GATAD1: variants seen among roughly 807,000 people sequenced by gnomAD.
The protein encoded by GATAD1 is GATA zinc finger domain containing 1, also known as GATA zinc finger domain-containing protein 1.
In GATAD1, 12 loss-of-function variants were observed where a neutral mutation model predicts 26.5. That is an observed-to-expected ratio of 0.45 (90% CI 0.29 to 0.73). GATAD1 has a LOEUF of 0.73. Ranked by LOEUF, GATAD1 falls within the 30% of genes least tolerant of loss-of-function variation. GATAD1 has a pLI of 0.10. For missense variants in GATAD1, 266 were observed against 342.1 expected (o/e 0.78, Z 1.75); for synonymous variants, 129 against 133.1 (o/e 0.97, Z 0.21).
chr7:92,491,956 CTG>C, the GATAD1 span, among the ~76,000 whole-genome samples: 1 of 152,128 alleles, frequency 6.6e-6, no homozygotes, highest in African/African-American at 2.4e-5. Flanking sequence ...GATTTAGAAA[CTG>C]TAGGTTCTGT....
At chr7:92,486,290 G>C in the GATAD1 span, among the ~76,000 whole-genome samples, 1 of 152,090 alleles carries the variant, frequency 6.6e-6, no homozygotes, top group Non-Finnish European at 1.5e-5. Context: ...TTCCTGGAGG[G>C]GACACACCTT....
intron 4 of GATAD1, among the ~76,000 whole-genome samples, 154 bp from the exon 5 acceptor site, chr7:92,456,218 G>T (rs1789664878): frequency 1.3e-5 from 2 of 152,180 alleles, no homozygotes; most frequent in Admixed American, 1.3e-4. Context: ...AAGAAAAAAT[G>T]ATTAAGAATA....
the GATAD1 span, chr7:92,494,764 CCCTT>C: frequency 2.2e-6 from 1 of 452,092 alleles, no homozygotes; most frequent in South Asian, 5.4e-5. Flanking sequence ...TTACAACAAA[CCCTT>C]AAAGAAGGCA....
the GATAD1 span, among the ~76,000 whole-genome samples, chr7:92,488,084 A>G: frequency 6.6e-6 from 1 of 152,240 alleles, no homozygotes; most frequent in African/African-American, 2.4e-5. Flanking sequence ...AAAATTGGAT[A>G]TTGTGGCATA....
At position 92,450,584 on chromosome 7, in the gene GATAD1, T is replaced by G. The variant is rs1174379706; in HGVS notation, c.376-117T>G. On this transcript the variant is annotated intron_variant, in intron 2 of 4. Transcript: ENST00000287957. ...TCATTTATCTTTTTATTGCAGTTCT[T>G]GTCACCAAACAATACATTTTAGTAC... 1.1e-4 allele frequency: 68 copies of G among 611,626 alleles called. 1 individual carries two copies. The Admixed American group carries it at 2.0e-3, about 18-fold the overall frequency. 37.9% of individuals were successfully genotyped at this position (611,626 alleles called of 1,614,324 possible).
chr7:92,490,470 A>G, the GATAD1 span, among the ~76,000 whole-genome samples: 1 of 152,012 alleles, frequency 6.6e-6, no homozygotes, highest in Non-Finnish European at 1.5e-5. Context: ...CCTCGTCTCT[A>G]CAAAACATAC....
At chr7:92,489,303 A>T in the GATAD1 span, 1 of 1,613,670 alleles carries the variant, frequency 6.2e-7, no homozygotes, top group Non-Finnish European at 8.5e-7. Flanking sequence ...AGCTCAGCAA[A>T]ATTCTTCCAG....
the GATAD1 span, among the ~76,000 whole-genome samples, chr7:92,468,079 A>G: frequency 6.6e-6 from 1 of 152,206 alleles, no homozygotes; most frequent in Non-Finnish European, 1.5e-5. Flanking sequence ...ACCTTGGGCC[A>G]TGCGGTGAGT....
the GATAD1 span, chr7:92,471,848 G>A: frequency 1.3e-5 from 2 of 152,192 alleles, no homozygotes; most frequent in African/African-American, 4.8e-5. Flanking sequence ...GGGCATGGAG[G>A]ACTAGGTAAG....
At chr7:92,494,196 C>T in the GATAD1 span, 1 of 889,310 alleles carries the variant, frequency 1.1e-6, no homozygotes, top group Non-Finnish European at 1.8e-6. Flanking sequence ...GAAAGCTGGT[C>T]TTCTAAGGAC....
the GATAD1 span, among the ~76,000 whole-genome samples, chr7:92,484,166 T>C: frequency 1.3e-5 from 2 of 152,202 alleles, no homozygotes; most frequent in Non-Finnish European, 2.9e-5. Flanking sequence ...AAGTTTGTAC[T>C]GCAGCCACGC....
the GATAD1 span, among the ~76,000 whole-genome samples, chr7:92,478,293 C>T: frequency 6.6e-6 from 1 of 152,168 alleles, no homozygotes; most frequent in African/African-American, 2.4e-5. Flanking sequence ...AGAACTATGT[C>T]ACATAGCCAC....
Position 92,447,667 on chromosome 7 carries a change from G to T in GATAD1, c.-63G>T. ...GGAGTGGCGGGCCGACCAGGGGGCG[G>T]CCGGGCTACCGTCCGCCATTCCCGT... On this transcript the variant is annotated 5_prime_UTR_variant, in exon 1 of 5. Coordinates refer to ENST00000287957, the MANE Select transcript of GATAD1 (RefSeq NM_021167.5). The T allele has an allele frequency of 7.4e-7, 1 of 1,348,136 alleles. No individual in the cohort carries two copies. Among genetic ancestry groups the T allele is most frequent in the Non-Finnish European group, 9.5e-7 (1 of 1,048,300 alleles). The allele number at this position is 1,348,136 out of a possible 1,614,324, so 83.5% of individuals were successfully genotyped here.
chr7:92,464,994 T>C (rs1562826830), downstream of GATAD1: 1 of 152,258 alleles, frequency 6.6e-6, no homozygotes, highest in Non-Finnish European at 1.5e-5. Flanking sequence ...TTCTCATAGA[T>C]TGATAGTGGC....
chr7:92,463,898 G>A (rs780779122), downstream of GATAD1, among the ~76,000 whole-genome samples: 1 of 148,842 alleles, frequency 6.7e-6, no homozygotes, highest in African/African-American at 2.5e-5. Context: ...AACCCAGGAG[G>A]CAGAGGTTGC....
chr7:92,451,081 A>G (rs2287179), intron 3 of GATAD1, among the ~76,000 whole-genome samples: 8,711 of 152,210 alleles, frequency 0.057, 521 homozygotes, highest in East Asian at 0.28. Flanking sequence ...CGTTAGTGCG[A>G]TGGCATTGAA....
the GATAD1 span, among the ~76,000 whole-genome samples, chr7:92,473,715 A>AC: frequency 1.3e-5 from 2 of 151,698 alleles, no homozygotes; most frequent in African/African-American, 4.8e-5. Context: ...CCGTCTTAGG[A>AC]CCCCCTCAGA....
the GATAD1 span, among the ~76,000 whole-genome samples, chr7:92,486,403 A>G: frequency 6.6e-6 from 1 of 152,254 alleles, no homozygotes; most frequent in Non-Finnish European, 1.5e-5. Flanking sequence ...TCCCATAGAC[A>G]TTGCTTCTGA....
the GATAD1 span, chr7:92,470,227 T>C: frequency 3.9e-6 from 3 of 778,668 alleles, no homozygotes; most frequent in Non-Finnish European, 7.2e-6. Flanking sequence ...AAGACTCCTA[T>C]ACGATGGGGC....
Sources: allele counts gnomAD v4.1 joint callset (sites outside exome capture counted in the v4.1 genomes callset), GRCh38; gene constraint gnomAD v4.1.1; transcripts MANE v1.5; gene names NCBI Gene and HGNC (gene_info 2026-07-23, HGNC 2026-07-21).